Variants in EP300 observed in about 807,000 individuals in gnomAD.
EP300 encodes histone acetyltransferase p300.
EP300 carries 31 observed loss-of-function variants against 264.0 expected under a neutral mutation model. The ratio of observed to expected loss-of-function variants is 0.12; its 90% CI spans 0.09 to 0.16. The LOEUF is 0.16. Among genes scored for constraint, EP300 ranks in the 10% least tolerant of loss-of-function variants. EP300 has a pLI of 1.00. For synonymous variants in EP300, 1,340 were observed against 1,045.4 expected, an observed-to-expected ratio of 1.28 and a Z score of -5.44; for missense variants, 2,766 against 3,052.9, an observed-to-expected ratio of 0.91 and a Z score of 2.21.
chr22:41,132,508 C>G (rs2058926363), intron 6 of EP300, among the ~76,000 whole-genome samples: 1 of 151,958 alleles, frequency 6.6e-6, no homozygotes, highest in African/African-American at 2.4e-5. Context: ...ATGATGATCT[C>G]AATCTCTTGA....
rs1011943912 is a variant in EP300 at position 41,179,534 on chromosome 22, A to T, written c.*578A>T. ...ATGTTCATTCTTTTAAAAAATGTTT[A>T]AAAAAAAAAAAAAACTGCCTTTCTT... On this transcript the variant is annotated 3_prime_UTR_variant, in exon 31 of 31. Transcript: ENST00000263253. The T allele has an allele frequency of 2.1e-4, 19 of 91,694 alleles. No homozygotes were observed. Among genetic ancestry groups the T allele is most frequent in the African/African-American group, 3.6e-4 (8 of 22,214 alleles). The allele number at this position is 91,694 out of a possible 1,614,324, so 5.7% of individuals were successfully genotyped here. A position where few individuals can be genotyped will look rare whatever the true frequency, so the allele number is the denominator to read the frequency against.
Position 41,092,883 on chromosome 22 carries a change from C to A in EP300, c.-122C>A. ...GAAGAGAAAAAGGAACTTCCCCCACCCCCTCGGGTGCCGTCGGAGCCCCCC... is the reference window on the plus strand; with the variant it reads ...GAAGAGAAAAAGGAACTTCCCCCACACCCTCGGGTGCCGTCGGAGCCCCCC... On this transcript the variant is annotated 5_prime_UTR_variant, in exon 1 of 31. Transcript: ENST00000263253. 9.7e-7 allele frequency: 1 copy of A among 1,027,768 alleles called. No individual in the cohort carries two copies. The highest frequency in any genetic ancestry group is 2.4e-5 in the East Asian group (1 of 42,256). 63.7% of individuals were successfully genotyped at this position (1,027,768 alleles called of 1,614,324 possible).
intron 17 of EP300, among the ~76,000 whole-genome samples, chr22:41,155,581 C>G (rs947948807): frequency 3.2e-4 from 48 of 152,128 alleles, no homozygotes; most frequent in African/African-American, 1.1e-3. Flanking sequence ...ATGACACTTT[C>G]ATTTTCATCA....
Position 41,127,567 on chromosome 22 carries a change from A to C in EP300, c.987A>C (p.Thr329=). Residue 329 remains threonine, a synonymous_variant, in exon 4 of 31, where the codon ACA becomes ACC. Coordinates refer to ENST00000263253, the MANE Select transcript of EP300 (RefSeq NM_001429.4). ...AAGGGATGGGTTCTGGAGCACATAC[A>C]GCTGATCCAGAGAAGCGCAAGCTCA... ...VAQGMGSGAH[T]ADPEKRKLIQ... The C allele has an allele frequency of 6.2e-7, 1 of 1,614,242 alleles. No individual in the cohort carries two copies. Among genetic ancestry groups the C allele is most frequent in the South Asian group, 1.1e-5 (1 of 91,086 alleles).
chr22:41,177,849 G>C lies in EP300; in HGVS notation c.6138G>C (p.Val2046=), dbSNP rs1194421079. ...VGISPLKPGT[V]SQQALQNLLR... ...TCAGCCCACTCAAACCAGGCACTGT[G>C]TCTCAACAAGCCTTACAAAACCTTT... The change falls in exon 31 of 31, where the codon GTG becomes GTC. Residue 2046 remains valine (V), a synonymous_variant. Transcript: ENST00000263253. The C allele has an allele frequency of 7.4e-6, 12 of 1,614,026 alleles. No individual in the cohort carries two copies. The highest frequency in any genetic ancestry group is 1.1e-5 in the South Asian group (1 of 91,084).
intron 2 of EP300, among the ~76,000 whole-genome samples, chr22:41,119,178 T>TTATTATTA (rs1555906149): frequency 3.1e-4 from 11 of 35,598 alleles, no homozygotes; most frequent in South Asian, 1.1e-3. Flanking sequence ...TATTATTATT[T>TTATTATTA]TTTTTTTTTT....
intron 1 of EP300, among the ~76,000 whole-genome samples, chr22:41,096,064 A>T (rs926702533): frequency 2.0e-5 from 3 of 152,162 alleles, no homozygotes; most frequent in Non-Finnish European, 4.4e-5. Flanking sequence ...TTCCTGTTTC[A>T]GTATTTGCAT....
intron 1 of EP300, among the ~76,000 whole-genome samples, chr22:41,098,410 C>T (rs1455615285): frequency 1.3e-5 from 2 of 152,180 alleles, no homozygotes; most frequent in African/African-American, 2.4e-5. Flanking sequence ...CTCGCTCTGT[C>T]GCCCAGGCTG....
intron 27 of EP300, among the ~76,000 whole-genome samples, chr22:41,171,606 G>A (rs2059171171): frequency 6.6e-6 from 1 of 151,880 alleles, no homozygotes; most frequent in Non-Finnish European, 1.5e-5. Flanking sequence ...CAAAGTGCTA[G>A]GATTATAGGC....
chr22:41,160,816 G>A lies in EP300; in HGVS notation c.3671+94G>A, dbSNP rs1601627048. ...CTAAATGAACTTAAGCTATGCTGTTGAATATGGTAGCCATTAGCCACATGT... is the reference window on the plus strand; with the variant it reads ...CTAAATGAACTTAAGCTATGCTGTTAAATATGGTAGCCATTAGCCACATGT... On this transcript the variant is annotated intron_variant, in intron 20 of 30. Coordinates refer to ENST00000263253, the MANE Select transcript of EP300 (RefSeq NM_001429.4). 3.1e-5 allele frequency: 36 copies of A among 1,164,640 alleles called. No individual in the cohort carries two copies. In the South Asian group the frequency reaches 4.3e-4, roughly 14 times the overall value. 72.1% of individuals were successfully genotyped at this position (1,164,640 alleles called of 1,614,324 possible).
chr22:41,117,516 G>A lies in EP300; in HGVS notation c.424G>A (p.Gly142Arg). 6.2e-7 allele frequency: 1 copy of A among 1,613,896 alleles called. No homozygotes were observed. Among genetic ancestry groups the A allele is most frequent in the South Asian group, 1.1e-5 (1 of 91,076 alleles). ...TSPNMGMGTS[G>R]PNQGPTQSTG... is the part of the protein sequence containing the mutation. ...TCCCAACATGGGGATGGGCACTAGT[G>A]GACCAAATCAGGGTCCTACGCAGTC... The change falls in exon 2 of 31, where the codon GGA becomes AGA. Residue 142 changes from glycine to arginine, a missense_variant. Physicochemically the swap from Gly to Arg is moderately radical, Grantham distance 125. Coordinates refer to ENST00000263253, the MANE Select transcript of EP300 (RefSeq NM_001429.4).
rs188035979 is a variant in EP300, at chr22:41,178,192, A to G, written c.6481A>G (p.Met2161Val). Residue 2161 changes from methionine (M) to valine (V), a missense_variant, in exon 31 of 31, where the codon ATG becomes GTG. Met to Val is a conservative substitution (Grantham distance 21). Transcript: ENST00000263253. ...GCAACTCCAGCCACCCATGGGAGGGATGAGCCCCCAGGCTCAGCAGATGAA... is the reference window on the plus strand; with the variant it reads ...GCAACTCCAGCCACCCATGGGAGGGGTGAGCCCCCAGGCTCAGCAGATGAA... The part of the protein sequence containing the change: ...QQQLQPPMGG[M>V]SPQAQQMNMN... 3.1e-4 allele frequency: 496 copies of G among 1,614,144 alleles called. 3 individuals carry two copies. The East Asian group carries it at 0.01, about 33-fold the overall frequency.
At chr22:41,158,854 G>T (rs1298138791) in intron 19 of EP300, 1 of 259,486 alleles carries the variant, frequency 3.9e-6, no homozygotes, top group African/African-American at 2.2e-5. Flanking sequence ...ACTTTTAACT[G>T]AAACTCGCTA....
Position 41,179,276 on chromosome 22 carries a change from A to G in EP300, c.*320A>G, listed in dbSNP as rs998193570. Reference sequence around the variant, plus strand: ...AATATGCTCCTGCCTTGCACCTCCAATAGGTTTTATTATTTTTTTTAAATT... The same window carrying G: ...AATATGCTCCTGCCTTGCACCTCCAGTAGGTTTTATTATTTTTTTTAAATT... On this transcript the variant is annotated 3_prime_UTR_variant, in exon 31 of 31. Transcript: ENST00000263253. 1.9e-5 allele frequency: 6 copies of G among 322,774 alleles called. No individual in the cohort carries two copies. Among genetic ancestry groups the G allele is most frequent in the African/African-American group, 1.0e-4 (5 of 47,932 alleles). 20.0% of individuals were successfully genotyped at this position (322,774 alleles called of 1,614,324 possible).
intron 2 of EP300, among the ~76,000 whole-genome samples, chr22:41,120,135 A>G (rs1156429236): frequency 6.6e-6 from 1 of 152,220 alleles, no homozygotes; most frequent in Non-Finnish European, 1.5e-5. Context: ...CTATATTGAT[A>G]TTTTGTAGAG....
At chr22:41,105,038 T>TA (rs2058750858) in intron 1 of EP300, among the ~76,000 whole-genome samples, 1 of 151,662 alleles carries the variant, frequency 6.6e-6, no homozygotes, top group African/African-American at 2.4e-5. Flanking sequence ...CTACTAAAAA[T>TA]ACAGAAAAAT....
At chr22:41,145,289 A>G (rs1232608937) in intron 10 of EP300, among the ~76,000 whole-genome samples, 3 of 152,260 alleles carry the variant, frequency 2.0e-5, no homozygotes. Flanking sequence ...GATTATGCAT[A>G]TACTTCTTAT....
At position 41,176,670 on chromosome 22, in the gene EP300, T is replaced by A. The variant is rs560787631; in HGVS notation, c.5062-103T>A. Reference sequence around the variant, plus strand: ...AGGGGCAGAGCTGAAGAGGCTAGTTTTTGTTCTACGAAAGGGGCTTTTCTA... The same window carrying A: ...AGGGGCAGAGCTGAAGAGGCTAGTTATTGTTCTACGAAAGGGGCTTTTCTA... On this transcript the variant is annotated intron_variant, in intron 30 of 30. Transcript: ENST00000263253. The A allele has an allele frequency of 2.7e-5, 43 of 1,611,908 alleles. No individual in the cohort carries two copies. In the African/African-American group the frequency reaches 5.5e-4, roughly 21 times the overall value.
At position 41,178,688 on chromosome 22, in the gene EP300, G is replaced by C. The variant is rs2145523247; in HGVS notation, c.6977G>C (p.Ser2326Thr). 6.2e-7 allele frequency: 1 copy of C among 1,614,038 alleles called. No individual in the cohort carries two copies. The highest frequency in any genetic ancestry group is 1.1e-5 in the South Asian group (1 of 91,076). Residue 2326 changes from serine (S) to threonine (T), a missense_variant, in exon 31 of 31, where the codon AGT becomes ACT. Coordinates refer to ENST00000263253, the MANE Select transcript of EP300 (RefSeq NM_001429.4). ...CCACAGTCCCAGCCCCCCCACTCCAGTCCTTCCCCAAGGATGCAGCCTCAG... is the reference window on the plus strand; with the variant it reads ...CCACAGTCCCAGCCCCCCCACTCCACTCCTTCCCCAAGGATGCAGCCTCAG... ...PRPQSQPPHSSPSPRMQPQPS... is the reference protein window; with the variant it reads ...PRPQSQPPHSTPSPRMQPQPS...
Sources: gnomAD v4.1 joint callset for allele counts (sites outside exome capture counted in the v4.1 genomes callset) on GRCh38, gnomAD v4.1.1 for gene constraint, MANE v1.5 for transcripts, NCBI Gene and HGNC (gene_info 2026-07-23, HGNC 2026-07-21) for gene names.